The following IL1RAPL2 variants were observed in gnomAD, a reference collection of about 807,000 sequenced individuals.
IL1RAPL2 encodes the protein interleukin 1 receptor accessory protein like 2, also known as X-linked interleukin-1 receptor accessory protein-like 2.
Under a neutral mutation model 44.1 loss-of-function variants are expected in IL1RAPL2, and 3 were observed. The ratio of observed to expected loss-of-function variants is 0.07; its 90% CI spans 0.03 to 0.18. IL1RAPL2 has a LOEUF of 0.18. Among genes scored for constraint, IL1RAPL2 ranks in the 10% least tolerant of loss-of-function variants. The pLI, the probability that IL1RAPL2 is intolerant of heterozygous loss-of-function variation, is 1.00. For missense variants in IL1RAPL2, 391 were observed against 496.4 expected (o/e 0.79, Z 2.02); for synonymous variants, 181 against 178.8 (o/e 1.01, Z -0.10).
rs147291645 is a variant in IL1RAPL2 at position 104,640,142 on chromosome X, C to A, written c.-19-18753C>A. Among the ~76,000 whole-genome samples the A allele has an allele frequency of 1.8e-3, 197 of 111,452 alleles. 4 individuals carry two copies. The East Asian group carries it at 0.037, about 21-fold the overall frequency. On this transcript the variant is annotated intron_variant, in intron 1 of 10. Coordinates refer to ENST00000372582, the MANE Select transcript of IL1RAPL2 (RefSeq NM_017416.2). The stretch of plus-strand genomic sequence containing the variant: ...CAAACATTTGGTTGCTTTGTTGTAT[C>A]CCATATGTCATGTAGGCTGTGTTCA...
At chrX:104,722,084 C>G (rs756050333) in intron 2 of IL1RAPL2, among the ~76,000 whole-genome samples, 1 of 110,649 alleles carries the variant, frequency 9.0e-6, no homozygotes, top group Admixed American at 9.7e-5. Context: ...TACTTCTAAT[C>G]GTGGTAAAAG....
At chrX:104,674,224 C>T (rs746851701) in intron 2 of IL1RAPL2, among the ~76,000 whole-genome samples, 310 of 111,612 alleles carry the variant, frequency 2.8e-3, no homozygotes, top group South Asian at 7.5e-3. Context: ...AGTATGATAT[C>T]GGCTGTGGGT....
chrX:105,036,854 G>A (rs1216088358), intron 2 of IL1RAPL2, among the ~76,000 whole-genome samples: 2 of 111,684 alleles, frequency 1.8e-5, no homozygotes, highest in Non-Finnish European at 3.8e-5. Flanking sequence ...ACAATACAAA[G>A]GGATAAAAAC....
At chrX:105,542,695 A>T (rs1243342357) in intron 6 of IL1RAPL2, among the ~76,000 whole-genome samples, 54 of 69,807 alleles carry the variant, frequency 7.7e-4, no homozygotes, top group African/African-American at 2.0e-3. Flanking sequence ...TATATTTTTT[A>T]TTTATTTATT....
intron 2 of IL1RAPL2, among the ~76,000 whole-genome samples, chrX:104,675,035 C>A (rs1930714671): frequency 9.1e-6 from 1 of 110,325 alleles, no homozygotes; most frequent in Non-Finnish European, 1.9e-5. Flanking sequence ...TTTGTTGATC[C>A]TTTCAAAAAA....
chrX:105,485,419 T>C (rs1219546360), intron 6 of IL1RAPL2, among the ~76,000 whole-genome samples: 1 of 111,423 alleles, frequency 9.0e-6, no homozygotes, highest in African/African-American at 3.3e-5. Flanking sequence ...AAATGGGGTG[T>C]CCATCACCTG....
At chrX:105,558,671 CTT>C (rs946749442) in intron 6 of IL1RAPL2, among the ~76,000 whole-genome samples, 50 of 112,161 alleles carry the variant, frequency 4.5e-4, no homozygotes, top group African/African-American at 1.6e-3. Flanking sequence ...TTGACTCAAA[CTT>C]TGTGTACTTT....
intron 6 of IL1RAPL2, among the ~76,000 whole-genome samples, chrX:105,662,285 G>T (rs761970213): frequency 8.9e-6 from 1 of 112,057 alleles, no homozygotes; most frequent in East Asian, 2.8e-4. Context: ...GAAAAGCTTT[G>T]TTAGCATGAC....
At chrX:105,317,534 A>C (rs1174156335) in intron 5 of IL1RAPL2, among the ~76,000 whole-genome samples, 1 of 112,004 alleles carries the variant, frequency 8.9e-6, no homozygotes, top group Non-Finnish European at 1.9e-5. Context: ...TTGGGAGAAG[A>C]GTGTCCTTAT....
intron 2 of IL1RAPL2, among the ~76,000 whole-genome samples, chrX:104,942,418 C>T (rs1925207445): frequency 9.0e-6 from 1 of 110,894 alleles, no homozygotes; most frequent in Non-Finnish European, 1.9e-5. Context: ...TCCTTCACAT[C>T]CTTTGTAAGT....
intron 2 of IL1RAPL2, among the ~76,000 whole-genome samples, chrX:105,053,298 A>G (rs2031952051): frequency 9.0e-6 from 1 of 111,435 alleles, no homozygotes; most frequent in Non-Finnish European, 1.9e-5. Context: ...ACCTCTGCTG[A>G]TGTTAAAGCT....
At position 104,734,562 on chromosome X, in the gene IL1RAPL2, T is replaced by C. The variant is rs763521384; in HGVS notation, c.82+75567T>C. On this transcript the variant is annotated intron_variant, in intron 2 of 10. Coordinates refer to ENST00000372582, the MANE Select transcript of IL1RAPL2 (RefSeq NM_017416.2). The stretch of plus-strand genomic sequence containing the variant: ...CAGTCTCAAAAGGCTGCATATTGTA[T>C]CATTTTGTTTATATGACATTCTGAA... Among the ~76,000 whole-genome samples, 3 of 112,149 alleles carry C rather than the reference T, an allele frequency of 2.7e-5. No individual in the cohort carries two copies. The East Asian group carries it at 8.5e-4, about 32-fold the overall frequency.
chrX:104,581,431 C>T (rs1374661630), intron 1 of IL1RAPL2, among the ~76,000 whole-genome samples: 1 of 111,870 alleles, frequency 8.9e-6, no homozygotes. Flanking sequence ...TTTGTGTGTG[C>T]ATACTTTTCT....
chrX:104,751,109 A>G (rs1932251034), intron 2 of IL1RAPL2, among the ~76,000 whole-genome samples: 1 of 111,616 alleles, frequency 9.0e-6, no homozygotes, highest in African/African-American at 3.3e-5. Flanking sequence ...ATTTCTGACC[A>G]CTGATGAAAA....
chrX:105,761,395 ATG>A (rs1226874027), intron 10 of IL1RAPL2, among the ~76,000 whole-genome samples: 1 of 110,507 alleles, frequency 9.0e-6, no homozygotes, highest in African/African-American at 3.3e-5. Context: ...GTGTGTAACT[ATG>A]CCAGTAGGTT....
intron 2 of IL1RAPL2, among the ~76,000 whole-genome samples, chrX:105,076,506 T>G (rs374816022): frequency 6.3e-4 from 70 of 111,448 alleles, no homozygotes; most frequent in African/African-American, 2.2e-3. Context: ...GTGCTGAAAA[T>G]AATGTATATT....
chrX:104,601,145 A>G (rs1000017840), intron 1 of IL1RAPL2, among the ~76,000 whole-genome samples: 13 of 111,318 alleles, frequency 1.2e-4, no homozygotes, highest in Admixed American at 3.8e-4. Flanking sequence ...TTTTTTTATT[A>G]TACTTTAAGT....
At chrX:105,320,448 A>C (rs887834922) in intron 5 of IL1RAPL2, among the ~76,000 whole-genome samples, 105 of 111,686 alleles carry the variant, frequency 9.4e-4, no homozygotes, top group African/African-American at 3.3e-3. Flanking sequence ...GGGGAGGAGG[A>C]AGACTATTGG....
chrX:105,361,443 G>C (rs1465225421), intron 5 of IL1RAPL2, among the ~76,000 whole-genome samples: 1 of 111,214 alleles, frequency 9.0e-6, no homozygotes. Flanking sequence ...AAAAAGAGTT[G>C]AAGCAGATTG....
Sources: allele counts gnomAD v4.1 joint callset (sites outside exome capture counted in the v4.1 genomes callset), GRCh38; gene constraint gnomAD v4.1.1; transcripts MANE v1.5; gene names NCBI Gene and HGNC (gene_info 2026-07-23, HGNC 2026-07-21).